The following PROSER1 variants were observed in gnomAD, a reference collection of about 807,000 sequenced individuals.
PROSER1 encodes the protein proline and serine-rich protein 1.
A neutral mutation model predicts 71.8 loss-of-function variants in PROSER1; 36 were observed. The ratio of observed to expected loss-of-function variants is 0.50; its 90% CI spans 0.38 to 0.66. The LOEUF is 0.66. PROSER1 is among the 30% of genes least tolerant of loss of function. PROSER1 has a pLI of 0.00. For synonymous variants in PROSER1, 490 were observed against 452.4 expected (o/e 1.08, Z -1.06); for missense variants, 1,107 against 1,135.0 (o/e 0.98, Z 0.35).
intron 9 of PROSER1, among the ~76,000 whole-genome samples, chr13:39,021,263 G>A (rs1304966281): frequency 4.6e-5 from 7 of 152,032 alleles, no homozygotes; most frequent in South Asian, 2.1e-4. Context: ...TTGCTATCCC[G>A]CTGTCAACTC....
rs774850169 is a variant in PROSER1 at position 39,014,490 on chromosome 13, G to A, written c.776-14C>T. On this transcript the variant is annotated splice_polypyrimidine_tract_variant and intron_variant, in intron 10 of 12. Transcript: ENST00000352251. ...GGGTGGAAAATGCTATATGGAAGGG[G>A]GAAAAAAGGCAAGAATGTATCATCA... 4 of 1,554,094 alleles carry A rather than the reference G, an allele frequency of 2.6e-6. No homozygotes were observed. The highest frequency in any genetic ancestry group is 1.2e-5 in the South Asian group (1 of 84,316).
rs1869573398 is a variant in PROSER1, at chr13:39,010,152, T to G, written c.*1213A>C. 1 of 146,646 alleles carries G rather than the reference T, an allele frequency of 6.8e-6. No individual in the cohort carries two copies. The highest frequency in any genetic ancestry group is 2.2e-4 in the South Asian group (1 of 4,462). The allele number at this position is 146,646 out of a possible 1,614,324, so 9.1% of individuals were successfully genotyped here. Reference sequence around the variant, plus strand: ...AGCACTTAGTAAAACACAGAATATTTGTCATATCCATAGTTTATTTTAAAA... The same window carrying G: ...AGCACTTAGTAAAACACAGAATATTGGTCATATCCATAGTTTATTTTAAAA... On this transcript the variant is annotated 3_prime_UTR_variant, in exon 13 of 13. Transcript: ENST00000352251.
chr13:39,035,439 C>G (rs1209128884), intron 1 of PROSER1, among the ~76,000 whole-genome samples: 1 of 152,184 alleles, frequency 6.6e-6, no homozygotes, highest in Non-Finnish European at 1.5e-5. Flanking sequence ...TAGTTAACCT[C>G]ACAGAGAATA....
intron 9 of PROSER1, among the ~76,000 whole-genome samples, chr13:39,018,213 A>G (rs1056743346): frequency 1.3e-5 from 2 of 152,178 alleles, no homozygotes; most frequent in African/African-American, 4.8e-5. Flanking sequence ...CACACTCCTC[A>G]AGGGAAAGGA....
Position 39,013,548 on chromosome 13 carries a change from G to A in PROSER1, c.1704C>T (p.Ser568=). 6.2e-7 allele frequency: 1 copy of A among 1,614,138 alleles called. No homozygotes were observed. The highest frequency in any genetic ancestry group is 8.5e-7 in the Non-Finnish European group (1 of 1,180,034). Residue 568 remains serine (S), a synonymous_variant, in exon 11 of 13, where the codon TCC becomes TCT. Coordinates refer to ENST00000352251, the MANE Select transcript of PROSER1 (RefSeq NM_025138.5). The part of the protein sequence containing the change: ...QSPLATAASA[S]TSVPVSCGSS... ...AGCCACAGCTAACTGGCACTGACGT[G>A]GAAGCTGATGCAGCAGTGGCTAAAG... is the stretch of plus-strand genomic sequence containing the variant.
chr13:39,014,994 T>C (rs9576698), intron 10 of PROSER1, among the ~76,000 whole-genome samples: 30,776 of 151,964 alleles, frequency 0.2, 3,683 homozygotes, highest in African/African-American at 0.33. Flanking sequence ...ATCTGTACAG[T>C]TGCCCCGCCC....
Position 39,022,310 on chromosome 13 carries a change from C to A in PROSER1, c.730+16G>T, listed in dbSNP as rs1219937376. 1.3e-6 allele frequency: 2 copies of A among 1,557,602 alleles called. No individual in the cohort carries two copies. Among genetic ancestry groups the A allele is most frequent in the African/African-American group, 2.7e-5 (2 of 73,730 alleles). On this transcript the variant is annotated intron_variant, in intron 9 of 12. Transcript: ENST00000352251. ...ATATGAATAAGTTACTTAAACACCC[C>A]CAAATAACATTTTACCTGTTCCTAC...
In PROSER1 at chr13:39,014,084, G is replaced by C. The variant is rs760864954; in HGVS notation, c.1168C>G (p.Leu390Val). 2 of 1,614,116 alleles carry C rather than the reference G, an allele frequency of 1.2e-6. No individual in the cohort carries two copies. Among genetic ancestry groups the C allele is most frequent in the African/African-American group, 2.7e-5 (2 of 74,932 alleles). The change falls in exon 11 of 13, where the codon CTT becomes GTT. Residue 390 changes from leucine (L) to valine (V), a missense_variant. Physicochemically the swap from Leu to Val is conservative, Grantham distance 32 (BLOSUM62 1). Transcript: ENST00000352251. ...PTPGPTPRST[L>V]GSSEAFASTS... ...GAAGCAAATGCTTCACTGGAACCAA[G>C]AGTGGACCGTGGTGTAGGTCCTGGG...
Position 39,037,295 on chromosome 13 carries a change from G to T in PROSER1, c.-53C>A. On this transcript the variant is annotated 5_prime_UTR_variant, in exon 1 of 13. Coordinates refer to ENST00000352251, the MANE Select transcript of PROSER1 (RefSeq NM_025138.5). Reference sequence around the variant, plus strand: ...ACAGTTATACTTGCAATTAAAAGACGTTCATCCCTGGTCTGCTCCGCCGAT... The same window carrying T: ...ACAGTTATACTTGCAATTAAAAGACTTTCATCCCTGGTCTGCTCCGCCGAT... 7 of 1,305,330 alleles carry T rather than the reference G, an allele frequency of 5.4e-6. No homozygotes were observed. Among genetic ancestry groups the T allele is most frequent in the Non-Finnish European group, 7.8e-6 (7 of 898,584 alleles). The allele number at this position is 1,305,330 out of a possible 1,614,324, so 80.9% of individuals were successfully genotyped here. A position where few individuals can be genotyped will look rare whatever the true frequency, so the allele number is the denominator to read the frequency against.
intron 2 of PROSER1, among the ~76,000 whole-genome samples, chr13:39,032,952 GCT>G (rs894626684): frequency 1.5e-5 from 2 of 130,730 alleles, no homozygotes; most frequent in African/African-American, 6.0e-5. Flanking sequence ...ACAGAGTTTT[GCT>G]CTGTTAGCCA....
chr13:39,017,901 T>A (rs191882311), intron 9 of PROSER1: 1 of 198,286 alleles, frequency 5.0e-6, no homozygotes, highest in Non-Finnish European at 9.9e-6. Context: ...GAGGGTGCCA[T>A]CCAGGAGAAA....
chr13:39,013,581 T>C lies in PROSER1; in HGVS notation c.1671A>G (p.Val557=), dbSNP rs201344693. The part of the protein sequence containing the change: ...NSTSTPLTLP[V]QSPLATAASA... ...ATGCAGCAGTGGCTAAAGGAGACTG[T>C]ACAGGCAATGTCAGGGGAGTGGAAG... Residue 557 remains valine, a synonymous_variant, in exon 11 of 13, where the codon GTA becomes GTG. Transcript: ENST00000352251. 4.3e-6 allele frequency: 7 copies of C among 1,614,068 alleles called. No homozygotes were observed. The highest frequency in any genetic ancestry group is 1.3e-5 in the African/African-American group (1 of 75,006).
At chr13:39,019,995 C>A (rs1413162912) in intron 9 of PROSER1, among the ~76,000 whole-genome samples, 1 of 150,008 alleles carries the variant, frequency 6.7e-6, no homozygotes, top group African/African-American at 2.5e-5. Context: ...CTGAATAAGG[C>A]CTAGGAAATA....
intron 9 of PROSER1, 178 bp from the exon 10 acceptor site, chr13:39,017,722 C>G: frequency 1.9e-6 from 1 of 513,492 alleles, no homozygotes; most frequent in Admixed American, 3.9e-5. Context: ...ACTATTATTA[C>G]TACTAATACT....
At chr13:39,024,695 T>A in intron 6 of PROSER1, 139 bp from the exon 7 acceptor site, 1 of 635,440 alleles carries the variant, frequency 1.6e-6, no homozygotes, top group Non-Finnish European at 2.7e-6. Context: ...ATTTCAGTTC[T>A]GCACTGGCTG....
At chr13:39,034,263 T>C (rs972674907) in intron 1 of PROSER1, 67 bp from the exon 2 acceptor site, 160 of 1,333,152 alleles carry the variant, frequency 1.2e-4, no homozygotes, top group Middle Eastern at 5.7e-4. Flanking sequence ...CACAGTAATA[T>C]ACATCTATCA....
Position 39,013,884 on chromosome 13 carries a change from G to A in PROSER1, c.1368C>T (p.Pro456=). 1.9e-6 allele frequency: 3 copies of A among 1,614,206 alleles called. No homozygotes were observed. The highest frequency in any genetic ancestry group is 2.5e-6 in the Non-Finnish European group (3 of 1,180,040). ...TCACACCAAGTGGACCGGCAACGCT[G>A]GGAGTAGAGCCACCAGCAATTACAG... is the stretch of plus-strand genomic sequence containing the variant. ...PTPVIAGGST[P]SVAGPLGVNS... Residue 456 remains proline, a synonymous_variant, in exon 11 of 13, where the codon CCC becomes CCT. Transcript: ENST00000352251.
In PROSER1 at chr13:39,027,761, T is replaced by C. The variant is rs896956948; in HGVS notation, c.369+466A>G. Among the ~76,000 whole-genome samples the C allele has an allele frequency of 2.0e-5, 3 of 152,292 alleles. No individual in the cohort carries two copies. In the East Asian group the frequency reaches 5.8e-4, roughly 29 times the overall value. ...CTACCTTAGATGACAAATCAAGTTT[T>C]CTAGGGTTGGACAAGTACTATTTCT... On this transcript the variant is annotated intron_variant, in intron 5 of 12. Coordinates refer to ENST00000352251, the MANE Select transcript of PROSER1 (RefSeq NM_025138.5).
intron 9 of PROSER1, 74 bp downstream of exon 9, chr13:39,022,252 C>A: frequency 1.0e-6 from 1 of 1,004,192 alleles, no homozygotes; most frequent in South Asian, 1.3e-5. Flanking sequence ...ATACGTCATG[C>A]CAAACAACTG....
Sources: gnomAD v4.1 joint callset for allele counts (sites outside exome capture counted in the v4.1 genomes callset) on GRCh38, gnomAD v4.1.1 for gene constraint, MANE v1.5 for transcripts, NCBI Gene and HGNC (gene_info 2026-07-23, HGNC 2026-07-21) for gene names.